The following LRMDA variants were observed in gnomAD, a reference collection of about 807,000 sequenced individuals.
LRMDA encodes the protein leucine rich melanocyte differentiation associated, also known as leucine-rich melanocyte differentiation-associated protein.
A neutral mutation model predicts 29.8 loss-of-function variants in LRMDA; 18 were observed. The ratio of observed to expected loss-of-function variants is 0.60; its 90% CI spans 0.42 to 0.90. The LOEUF (loss-of-function observed/expected upper bound fraction) is 0.90, where lower values mean the gene tolerates loss of function less well. Ranked by LOEUF, LRMDA falls within the 40% of genes least tolerant of loss-of-function variation. LRMDA has a pLI of 0.00. For synonymous variants in LRMDA, 125 were observed against 109.4 expected (o/e 1.14, Z -0.89); for missense variants, 273 against 273.9 (o/e 1.00, Z 0.02).
intron 5 of LRMDA, among the ~76,000 whole-genome samples, chr10:76,146,312 A>T (rs1181756888): frequency 2.6e-5 from 4 of 151,704 alleles, no homozygotes; most frequent in Admixed American, 6.6e-5. Flanking sequence ...CCCATTATTA[A>T]TGTGTGGGAG....
At chr10:75,484,782 G>A (rs1000214391) in intron 2 of LRMDA, among the ~76,000 whole-genome samples, 53 of 152,286 alleles carry the variant, frequency 3.5e-4, no homozygotes, top group South Asian at 2.1e-4. Flanking sequence ...GAAGGTGGCC[G>A]TCTACAATCC....
intron 2 of LRMDA, among the ~76,000 whole-genome samples, chr10:75,903,951 T>A (rs1043020024): frequency 6.6e-6 from 1 of 152,202 alleles, no homozygotes; most frequent in Non-Finnish European, 1.5e-5. Context: ...TGCTCTGCTG[T>A]GTGATGAAAA....
intron 2 of LRMDA, among the ~76,000 whole-genome samples, chr10:75,474,148 C>CAGA (rs758522518): frequency 9.9e-5 from 15 of 152,256 alleles, no homozygotes; most frequent in Non-Finnish European, 2.1e-4. Context: ...ATTTCTTAGC[C>CAGA]AGAATTCTTC....
chr10:76,243,245 C>T (rs577912551), intron 5 of LRMDA, among the ~76,000 whole-genome samples: 127 of 152,064 alleles, frequency 8.4e-4, no homozygotes, highest in African/African-American at 2.4e-3. Flanking sequence ...CTACAGAGTT[C>T]GAGGAGTCAG....
At chr10:75,454,987 T>G (rs1253025624) in intron 2 of LRMDA, among the ~76,000 whole-genome samples, 1 of 152,208 alleles carries the variant, frequency 6.6e-6, no homozygotes, top group Non-Finnish European at 1.5e-5. Context: ...GCTTTTCTTA[T>G]CTTCTTCCTC....
chr10:76,190,621 G>T (rs1589369673), intron 5 of LRMDA, among the ~76,000 whole-genome samples: 1 of 152,244 alleles, frequency 6.6e-6, no homozygotes, highest in East Asian at 1.9e-4. Flanking sequence ...TTGAAAAGTT[G>T]GGAGACCCTA....
intron 6 of LRMDA, among the ~76,000 whole-genome samples, chr10:76,419,133 G>C (rs1001361719): frequency 6.6e-6 from 1 of 152,026 alleles, no homozygotes; most frequent in Non-Finnish European, 1.5e-5. Context: ...ACTCTTAGTG[G>C]TGTATATTCT....
intron 2 of LRMDA, among the ~76,000 whole-genome samples, chr10:75,574,499 C>T (rs957741897): frequency 6.6e-6 from 1 of 152,206 alleles, no homozygotes; most frequent in African/African-American, 2.4e-5. Context: ...ATGGCCACTA[C>T]ATTTGGGCCT....
At chr10:75,555,915 T>C (rs1840207555) in intron 2 of LRMDA, among the ~76,000 whole-genome samples, 1 of 152,046 alleles carries the variant, frequency 6.6e-6, no homozygotes, top group South Asian at 2.1e-4. Flanking sequence ...AATTATAATA[T>C]CAAACAAAAA....
At chr10:75,560,427 T>C (rs1433595062) in intron 2 of LRMDA, among the ~76,000 whole-genome samples, 1 of 149,512 alleles carries the variant, frequency 6.7e-6, no homozygotes, top group East Asian at 2.0e-4. Context: ...CTTAAGGAGA[T>C]TTTGGGCTGA....
At chr10:76,151,558 T>C (rs1850445231) in intron 5 of LRMDA, among the ~76,000 whole-genome samples, 1 of 152,234 alleles carries the variant, frequency 6.6e-6, no homozygotes, top group Non-Finnish European at 1.5e-5. Flanking sequence ...GATATTTATT[T>C]TATGTGTGGG....
chr10:76,197,879 C>T (rs1851358308), intron 5 of LRMDA, among the ~76,000 whole-genome samples: 1 of 151,544 alleles, frequency 6.6e-6, no homozygotes, highest in South Asian at 2.1e-4. Context: ...GAGATCGCGC[C>T]ACCACACTCC....
At chr10:76,429,041 A>ACACACACACAAAC (rs1554820441) in intron 6 of LRMDA, among the ~76,000 whole-genome samples, 2 of 64,034 alleles carry the variant, frequency 3.1e-5, no homozygotes, top group South Asian at 1.1e-3. Context: ...CACACACACA[A>ACACACACACAAAC]ACACACACAC....
intron 6 of LRMDA, among the ~76,000 whole-genome samples, chr10:76,549,616 T>C (rs774514842): frequency 5.9e-5 from 9 of 152,320 alleles, no homozygotes; most frequent in South Asian, 2.1e-4. Context: ...GACCCTATCA[T>C]GCACTTGGTA....
At chr10:76,259,821 C>T (rs564659248) in intron 5 of LRMDA, among the ~76,000 whole-genome samples, 1 of 152,100 alleles carries the variant, frequency 6.6e-6, no homozygotes, top group African/African-American at 2.4e-5. Flanking sequence ...CCTTTGTTAT[C>T]ATATAATATC....
At chr10:76,327,710 G>T (rs1840853400) in intron 6 of LRMDA, among the ~76,000 whole-genome samples, 1 of 152,208 alleles carries the variant, frequency 6.6e-6, no homozygotes, top group Non-Finnish European at 1.5e-5. Context: ...GAGGTAACTT[G>T]ATTGCATGTG....
chr10:76,276,424 A>T (rs553825673), intron 5 of LRMDA, among the ~76,000 whole-genome samples: 1 of 152,082 alleles, frequency 6.6e-6, no homozygotes, highest in Non-Finnish European at 1.5e-5. Context: ...GATTACAAAC[A>T]TGAGCCACTG....
chr10:76,013,815 C>T (rs1847827949), intron 2 of LRMDA, among the ~76,000 whole-genome samples: 1 of 151,914 alleles, frequency 6.6e-6, no homozygotes, highest in South Asian at 2.1e-4. Flanking sequence ...TAGCAGACCC[C>T]ATTGGTGCTC....
At chr10:76,329,038 A>G (rs1840871252) in intron 6 of LRMDA, among the ~76,000 whole-genome samples, 1 of 152,128 alleles carries the variant, frequency 6.6e-6, no homozygotes, top group African/African-American at 2.4e-5. Context: ...CTCTATCTGA[A>G]GCACCAGTGA....
Sources: gnomAD v4.1 joint callset for allele counts (sites outside exome capture counted in the v4.1 genomes callset) on GRCh38, gnomAD v4.1.1 for gene constraint, MANE v1.5 for transcripts, NCBI Gene and HGNC (gene_info 2026-07-23, HGNC 2026-07-21) for gene names.